Variants in IDUA observed in about 807,000 individuals in gnomAD.
IDUA encodes the protein alpha-L-iduronidase, also known as iduronidase alpha-L-.
Under a neutral mutation model 68.9 loss-of-function variants are expected in IDUA, and 65 were observed. The ratio of observed to expected loss-of-function variants is 0.94; its 90% CI spans 0.77 to 1.16. The LOEUF is 1.16. Ranked by LOEUF, IDUA falls within the 50% of genes most tolerant of loss-of-function variation. IDUA has a pLI of 0.00. For missense variants in IDUA, 1,046 were observed against 938.0 expected (o/e 1.12, Z -1.50); for synonymous variants, 529 against 433.6 (o/e 1.22, Z -2.73).
In IDUA at chr4:1,004,369, G is replaced by T; in HGVS notation, c.1938G>T (p.Gly646=). 6.2e-7 allele frequency: 1 copy of T among 1,611,068 alleles called. No homozygotes were observed. Residue 646 remains glycine (G), a synonymous_variant, in exon 14 of 14, where the codon GGG becomes GGT. Transcript: ENST00000514224. This position sits in a 1 kb window ranked among gnomAD's most constrained non-coding sequence, Gnocchi z 5.0. ...ACCTGGAGGTCCCTGTGCCAAGAGG[G>T]CCCCCATCCCCGGGCAATCCATGAG... ...VPYLEVPVPR[G]PPSPGNP
chr4:997,119 G>A (rs1264473466), intron 2 of IDUA, among the ~76,000 whole-genome samples: 23 of 152,216 alleles, frequency 1.5e-4, no homozygotes, highest in Admixed American at 1.2e-3. Flanking sequence ...GAAGAAGCCC[G>A]GCCGACAGGG....
Position 1,002,212 on chromosome 4 carries a change from C to T in IDUA, c.972+51C>T, listed in dbSNP as rs368064771. The T allele has an allele frequency of 1.1e-3, 1,739 of 1,572,390 alleles. 32 individuals are homozygous for T. Among genetic ancestry groups the T allele is most frequent in the Non-Finnish European group, 2.2e-4 (256 of 1,159,858 alleles). ...CCCCCCGGCCACCTTCCTCCCGAGACGGGACAGGCGAGCGGTGGCCGCGCC... is the reference window on the plus strand; with the variant it reads ...CCCCCCGGCCACCTTCCTCCCGAGATGGGACAGGCGAGCGGTGGCCGCGCC... On this transcript the variant is annotated intron_variant, in intron 7 of 13. Coordinates refer to ENST00000514224, the MANE Select transcript of IDUA (RefSeq NM_000203.5).
intron 2 of IDUA, among the ~76,000 whole-genome samples, 164 bp from the exon 3 acceptor site, chr4:1,000,448 T>C (rs1473108140): frequency 2.6e-5 from 4 of 152,220 alleles, no homozygotes; most frequent in African/African-American, 9.6e-5. Flanking sequence ...TACCAGGCCT[T>C]CATAGGGTTA....
At chr4:994,746 C>T (rs1318068983) in intron 2 of IDUA, among the ~76,000 whole-genome samples, 1 of 147,770 alleles carries the variant, frequency 6.8e-6, no homozygotes, top group Admixed American at 6.6e-5. Flanking sequence ...CGCCCCCTGC[C>T]CCCCAACCTT....
chr4:990,449 G>A, intron 2 of IDUA: 2 of 1,307,316 alleles, frequency 1.5e-6, no homozygotes, highest in Non-Finnish European at 2.1e-6. Flanking sequence ...GAGGGGTGGT[G>A]GTCACGGCAC....
At chr4:989,692 C>G (rs763785623) in intron 2 of IDUA, 3 of 1,562,996 alleles carry the variant, frequency 1.9e-6, no homozygotes, top group Non-Finnish European at 2.6e-6. Context: ...GCTGACCACG[C>G]TGGACAGCTG....
Position 990,391 on chromosome 4 carries a change from G to GGC in IDUA, c.299+2445_299+2446dup. 3 of 1,544,178 alleles carry GGC rather than the reference G, an allele frequency of 1.9e-6. No individual in the cohort carries two copies. In the East Asian group the frequency reaches 7.0e-5, roughly 36 times the overall value. Reference sequence around the variant, plus strand: ...TGGACGGAGTGCGGTCAGGCCAGCAGGCGCCTGGCGGGAGCCACCTGCCCC... The same window carrying GGC: ...TGGACGGAGTGCGGTCAGGCCAGCAGGCGCGCCTGGCGGGAGCCACCTGCCCC... On this transcript the variant is annotated intron_variant, in intron 2 of 13. Coordinates refer to ENST00000514224, the MANE Select transcript of IDUA (RefSeq NM_000203.5).
chr4:1,002,588 C>A, intron 8 of IDUA, 103 bp downstream of exon 8: 1 of 1,243,458 alleles, frequency 8.0e-7, no homozygotes, highest in Non-Finnish European at 1.1e-6. Context: ...CAGCCGCGCG[C>A]TTCCCGGGGT....
Position 999,997 on chromosome 4 carries a change from G to A in IDUA, c.300-615G>A, listed in dbSNP as rs59206677. ...CCATCTGCAAGTGCAGTGGCAGGGC[G>A]GCCCCCTTCTCCCTTGACGACGCCT... On this transcript the variant is annotated intron_variant, in intron 2 of 13. Transcript: ENST00000514224. The A allele has an allele frequency of 9.7e-4, 140 of 144,146 alleles. 2 individuals are homozygous for A. The highest frequency in any genetic ancestry group is 8.5e-3 in the Middle Eastern group (2 of 236). 8.9% of individuals were successfully genotyped at this position (144,146 alleles called of 1,614,324 possible).
intron 2 of IDUA, chr4:989,881 G>A (rs1327888899): frequency 1.3e-6 from 2 of 1,570,982 alleles, no homozygotes; most frequent in Non-Finnish European, 1.7e-6. Context: ...GGAGAAGGCG[G>A]CAGCCACGAG....
In IDUA at chr4:998,126, G is replaced by A. The variant is rs536362090; in HGVS notation, c.300-2486G>A. On this transcript the variant is annotated intron_variant, in intron 2 of 13. Coordinates refer to ENST00000514224, the MANE Select transcript of IDUA (RefSeq NM_000203.5). Reference sequence around the variant, plus strand: ...CAGTGTGTCCTTTGGATGGAGGGGAGGAGAGGTGGTAGGGGCCGGGTGGGG... The same window carrying A: ...CAGTGTGTCCTTTGGATGGAGGGGAAGAGAGGTGGTAGGGGCCGGGTGGGG... Among the ~76,000 whole-genome samples the A allele has an allele frequency of 2.0e-5, 3 of 152,342 alleles. No individual in the cohort carries two copies. In the East Asian group the frequency reaches 5.8e-4, roughly 29 times the overall value.
chr4:1,000,857 G>A (rs1181279090), intron 3 of IDUA, 25 bp from the exon 4 acceptor site: 3 of 1,593,374 alleles, frequency 1.9e-6, no homozygotes, highest in Non-Finnish European at 2.6e-6. Flanking sequence ...GTGGTGGGCG[G>A]TGGGGCAGCC....
In IDUA at chr4:1,001,999, C is replaced by T. The variant is rs1241791378; in HGVS notation, c.810C>T (p.Ile270=). The T allele has an allele frequency of 8.8e-6, 14 of 1,590,412 alleles. No individual in the cohort carries two copies. The highest frequency in any genetic ancestry group is 1.0e-5 in the Non-Finnish European group (12 of 1,170,408). ...GCCCGCAGGGTGCGCGCAGCTCCATCTCCATCCTGGAGCAGGAGAAGGTCG... is the reference window on the plus strand; with the variant it reads ...GCCCGCAGGGTGCGCGCAGCTCCATTTCCATCCTGGAGCAGGAGAAGGTCG... ...SLHRKGARSS[I]SILEQEKVVA... is the part of the protein sequence containing the mutation. The change falls in exon 7 of 14, where the codon ATC becomes ATT. Residue 270 remains isoleucine (I), a synonymous_variant. Transcript: ENST00000514224.
Position 1,002,467 on chromosome 4 carries a change from G to C in IDUA, c.1171G>C (p.Gly391Arg), listed in dbSNP as rs1384453950. The C allele has an allele frequency of 6.5e-7, 1 of 1,547,320 alleles. No homozygotes were observed. Among genetic ancestry groups the C allele is most frequent in the Non-Finnish European group, 8.7e-7 (1 of 1,145,898 alleles). ...GCGCAAGCCGGTGCTCACGGCCATGGGGCTGCTGGCGCTGCTGGGTGAGCC... is the reference window on the plus strand; with the variant it reads ...GCGCAAGCCGGTGCTCACGGCCATGCGGCTGCTGGCGCTGCTGGGTGAGCC... ...LLRKPVLTAMGLLALLDEEQL... is the reference protein window; with the variant it reads ...LLRKPVLTAMRLLALLDEEQL... The change falls in exon 8 of 14, where the codon GGG becomes CGG. Residue 391 changes from glycine (G) to arginine (R), a missense_variant. Coordinates refer to ENST00000514224, the MANE Select transcript of IDUA (RefSeq NM_000203.5).
At chr4:998,144 G>T (rs767750488) in intron 2 of IDUA, among the ~76,000 whole-genome samples, 1 of 152,182 alleles carries the variant, frequency 6.6e-6, no homozygotes, top group East Asian at 1.9e-4. Flanking sequence ...GGTAGGGGCC[G>T]GGTGGGGTGG....
In IDUA at chr4:1,003,605, G is replaced by T; in HGVS notation, c.1707G>T (p.Ser569=). The part of the protein sequence containing the change: ...LTQGQLVLVW[S]DEHVGSKCLW... ...AAGGGCAGCTGGTTCTGGTCTGGTC[G>T]GATGAACACGTGGGCTCCAAGTGCG... Residue 569 remains serine, a synonymous_variant, in exon 12 of 14, where the codon TCG becomes TCT. Coordinates refer to ENST00000514224, the MANE Select transcript of IDUA (RefSeq NM_000203.5). 1.2e-6 allele frequency: 2 copies of T among 1,612,412 alleles called. No individual in the cohort carries two copies. Among genetic ancestry groups the T allele is most frequent in the South Asian group, 2.2e-5 (2 of 91,080 alleles).
At chr4:995,179 G>A (rs975090230) in intron 2 of IDUA, among the ~76,000 whole-genome samples, 2 of 151,984 alleles carry the variant, frequency 1.3e-5, no homozygotes, top group African/African-American at 4.8e-5. Context: ...TGAGTAGTTG[G>A]GACTACAGGC....
At chr4:1,001,177 G>A in intron 4 of IDUA, 188 bp downstream of exon 4, 1 of 624,862 alleles carries the variant, frequency 1.6e-6, no homozygotes, top group Non-Finnish European at 2.8e-6. Context: ...CCAGGCTGGG[G>A]GGTACTCCTG....
At chr4:992,969 C>A (rs980509307) in intron 2 of IDUA, 1 of 152,210 alleles carries the variant, frequency 6.6e-6, no homozygotes, top group East Asian at 1.9e-4. Flanking sequence ...AGTCTCCTGG[C>A]GGGTGTGTTG....
Sources: gnomAD v4.1 joint callset for allele counts (sites outside exome capture counted in the v4.1 genomes callset) on GRCh38, gnomAD v4.1.1 for gene constraint, Gnocchi (gnomAD v3.1) non-coding constraint, MANE v1.5 for transcripts, NCBI Gene and HGNC (gene_info 2026-07-23, HGNC 2026-07-21) for gene names.